Variants in RAB28 observed in about 807,000 individuals in gnomAD.
The protein encoded by RAB28 is RAB28, member RAS oncogene family, also known as ras-related protein Rab-28.
In RAB28, 24 loss-of-function variants were observed where a neutral mutation model predicts 31.7. The ratio of observed to expected loss-of-function variants is 0.76; its 90% CI spans 0.55 to 1.06. The LOEUF is 1.06. RAB28 is among the 50% of genes least tolerant of loss of function. RAB28 has a pLI of 0.00. For synonymous variants in RAB28, 100 were observed against 90.4 expected (o/e 1.11, Z -0.60); for missense variants, 254 against 258.5 (o/e 0.98, Z 0.12).
At chr4:13,384,134 G>A (rs1368745515) in intron 4 of RAB28, among the ~76,000 whole-genome samples, 2 of 152,162 alleles carry the variant, frequency 1.3e-5, no homozygotes, top group Non-Finnish European at 2.9e-5. Flanking sequence ...GTGAAACTAG[G>A]AAGGGAGAAC....
intron 4 of RAB28, among the ~76,000 whole-genome samples, chr4:13,407,639 A>T (rs772213991): frequency 2.0e-5 from 3 of 152,216 alleles, no homozygotes; most frequent in Admixed American, 2.0e-4. Flanking sequence ...CCTATGAATG[A>T]GCATGGAATG....
chr4:13,367,993 T>A lies in RAB28; in HGVS notation c.*565A>T. 1.0e-6 allele frequency: 1 copy of A among 970,854 alleles called. No individual in the cohort carries two copies. The highest frequency in any genetic ancestry group is 4.8e-5 in the South Asian group (1 of 21,030). 60.1% of individuals were successfully genotyped at this position (970,854 alleles called of 1,614,324 possible). ...TACAATATAAACAATTTAGGCCCTT[T>A]TTTAAAAAATGAAAAAATATTTCTA... is the stretch of plus-strand genomic sequence containing the variant. On this transcript the variant is annotated 3_prime_UTR_variant, in exon 7 of 7. Coordinates refer to ENST00000330852, the MANE Select transcript of RAB28 (RefSeq NM_001017979.3).
At chr4:13,412,313 A>AGATTGCTAGTAAGCAATCTGTT (rs1371653025) in intron 4 of RAB28, among the ~76,000 whole-genome samples, 1 of 152,182 alleles carries the variant, frequency 6.6e-6, no homozygotes. Context: ...ATCAATGCTC[A>AGATTGCTAGTAAGCAATCTGTT]GATTGCTAGT....
intron 1 of RAB28, among the ~76,000 whole-genome samples, chr4:13,481,406 C>G (rs768988847): frequency 6.6e-6 from 1 of 152,004 alleles, no homozygotes; most frequent in Non-Finnish European, 1.5e-5. Context: ...AGACTGCATG[C>G]TATCTTTCAC....
chr4:13,479,719 C>A (rs1009510064), intron 1 of RAB28, among the ~76,000 whole-genome samples, 193 bp from the exon 2 acceptor site: 1 of 151,502 alleles, frequency 6.6e-6, no homozygotes, highest in East Asian at 1.9e-4. Context: ...CAGCAGCTAT[C>A]GGTAGGGACA....
chr4:13,444,094 C>T (rs1043586530), intron 4 of RAB28, among the ~76,000 whole-genome samples: 3 of 150,542 alleles, frequency 2.0e-5, no homozygotes, highest in Non-Finnish European at 4.4e-5. Context: ...GTGGCGCGAT[C>T]TCGGCTCACT....
Position 13,368,490 on chromosome 4 carries a change from C to T in RAB28, c.*68G>A. The T allele has an allele frequency of 6.5e-7, 1 of 1,528,700 alleles. No homozygotes were observed. The highest frequency in any genetic ancestry group is 8.7e-7 in the Non-Finnish European group (1 of 1,144,516). The allele number at this position is 1,528,700 out of a possible 1,614,324, so 94.7% of individuals were successfully genotyped here. A position where few individuals can be genotyped will look rare whatever the true frequency, so the allele number is the denominator to read the frequency against. ...AGATGGTCACTGATAAAACAAGTTC[C>T]TAGAAGTCCTCGGGCCCACCCAGAG... On this transcript the variant is annotated 3_prime_UTR_variant, in exon 7 of 7. Transcript: ENST00000330852.
At chr4:13,448,386 A>G (rs558512551) in intron 4 of RAB28, among the ~76,000 whole-genome samples, 1 of 152,228 alleles carries the variant, frequency 6.6e-6, no homozygotes, top group Admixed American at 6.5e-5. Flanking sequence ...TATGACAAAA[A>G]GATGGAGAGA....
At chr4:13,464,912 T>C (rs982116627) in intron 3 of RAB28, among the ~76,000 whole-genome samples, 2 of 151,970 alleles carry the variant, frequency 1.3e-5, no homozygotes, top group African/African-American at 4.8e-5. Flanking sequence ...TTGAGGGTTC[T>C]AAAGGAAAAA....
At chr4:13,482,119 A>G (rs1211802873) in intron 1 of RAB28, among the ~76,000 whole-genome samples, 1 of 152,176 alleles carries the variant, frequency 6.6e-6, no homozygotes, top group African/African-American at 2.4e-5. Flanking sequence ...AGCACCATAA[A>G]AAATATTAAC....
At chr4:13,420,883 A>G (rs1282615919) in intron 4 of RAB28, among the ~76,000 whole-genome samples, 22 of 152,238 alleles carry the variant, frequency 1.4e-4, no homozygotes, top group Admixed American at 1.4e-3. Context: ...CCTATTCAAC[A>G]TAGTGTTGGA....
At chr4:13,483,823 C>T (rs1432473728) in intron 1 of RAB28, among the ~76,000 whole-genome samples, 1 of 152,198 alleles carries the variant, frequency 6.6e-6, no homozygotes, top group African/African-American at 2.4e-5. Context: ...AAGGCTGGCC[C>T]GAGTCTTGCA....
intron 3 of RAB28, among the ~76,000 whole-genome samples, chr4:13,467,549 G>A (rs1398770760): frequency 2.0e-5 from 3 of 151,684 alleles, no homozygotes; most frequent in Non-Finnish European, 2.9e-5. Context: ...ATATTCTGAG[G>A]GACTTGCACT....
chr4:13,375,463 A>G (rs1418178517), intron 6 of RAB28, among the ~76,000 whole-genome samples: 1 of 152,154 alleles, frequency 6.6e-6, no homozygotes, highest in Non-Finnish European at 1.5e-5. Context: ...AGAGAAGCTA[A>G]AAAGCAAACA....
chr4:13,430,929 C>T (rs1255290313), intron 4 of RAB28, among the ~76,000 whole-genome samples: 1 of 152,158 alleles, frequency 6.6e-6, no homozygotes, highest in African/African-American at 2.4e-5. Context: ...GCAGTGACAC[C>T]CATGAAGAGA....
intron 4 of RAB28, among the ~76,000 whole-genome samples, chr4:13,433,133 T>A (rs1282147232): frequency 1.2e-4 from 15 of 120,806 alleles, no homozygotes; most frequent in African/African-American, 1.8e-4. Flanking sequence ...ATCATGCAAA[T>A]GAAAGAAAAA....
chr4:13,421,005 C>T (rs1486358702), intron 4 of RAB28, among the ~76,000 whole-genome samples: 1 of 152,088 alleles, frequency 6.6e-6, no homozygotes, highest in Non-Finnish European at 1.5e-5. Flanking sequence ...TTTAGAAAAC[C>T]CCATCATCTC....
chr4:13,423,747 T>A (rs1210640734), intron 4 of RAB28, among the ~76,000 whole-genome samples: 1 of 152,134 alleles, frequency 6.6e-6, no homozygotes, highest in East Asian at 1.9e-4. Flanking sequence ...ATAGTGAGAA[T>A]ACAAGTAAGT....
intron 4 of RAB28, chr4:13,459,670 T>TAC (rs1238828944): frequency 1.3e-6 from 1 of 784,230 alleles, no homozygotes; most frequent in East Asian, 1.3e-4. Flanking sequence ...TTCTCCCTAG[T>TAC]ACACTCTTTC....
Sources: gnomAD v4.1 joint callset for allele counts (sites outside exome capture counted in the v4.1 genomes callset) on GRCh38, gnomAD v4.1.1 for gene constraint, MANE v1.5 for transcripts, NCBI Gene and HGNC (gene_info 2026-07-23, HGNC 2026-07-21) for gene names.